Variants in UGCG observed in about 807,000 individuals in gnomAD.
UGCG encodes the protein ceramide glucosyltransferase.
A neutral mutation model predicts 49.5 loss-of-function variants in UGCG; 10 were observed. That is an observed-to-expected ratio of 0.20 (90% CI 0.12 to 0.34). The LOEUF is 0.34. Ranked by LOEUF, UGCG falls within the 10% of genes least tolerant of loss-of-function variation. The pLI is 1.00. For synonymous variants in UGCG, 182 were observed against 158.2 expected (o/e 1.15, Z -1.13); for missense variants, 312 against 483.7 (o/e 0.65, Z 3.33).
intron 1 of UGCG, among the ~76,000 whole-genome samples, chr9:111,900,476 A>ATG (rs10551745): frequency 0.017 from 2,604 of 150,654 alleles, 34 homozygotes; most frequent in African/African-American, 0.035. Flanking sequence ...GTATATGTAT[A>ATG]TGTGTGTGTG....
At chr9:111,929,793 T>G in intron 6 of UGCG, 115 bp downstream of exon 6, 1 of 1,229,252 alleles carries the variant, frequency 8.1e-7, no homozygotes, top group Non-Finnish European at 1.1e-6. Context: ...TTTTTGCTAG[T>G]AAGTACAGAA....
rs1191801006 is a variant in UGCG at position 111,897,229 on chromosome 9, A to T, written c.14A>T (p.Asp5Val). ...GCGGGCCGGGGGATGGCGCTGCTGG[A>T]CCTGGCCTTGGAGGGAATGGCCGTC... The part of the protein sequence containing the change: MALL[D>V]LALEGMAVFG... The change falls in exon 1 of 9, where the codon GAC becomes GTC. Residue 5 changes from aspartate to valine, a missense_variant. By Grantham distance (152) the Asp-to-Val change is radical (BLOSUM62 -3). Coordinates refer to ENST00000374279, the MANE Select transcript of UGCG (RefSeq NM_003358.3). 2 of 1,549,304 alleles carry T rather than the reference A, an allele frequency of 1.3e-6. No individual in the cohort carries two copies. The highest frequency in any genetic ancestry group is 2.4e-5 in the South Asian group (2 of 84,108).
At chr9:111,903,985 C>T (rs910992570) in intron 1 of UGCG, among the ~76,000 whole-genome samples, 1 of 152,156 alleles carries the variant, frequency 6.6e-6, no homozygotes, top group Admixed American at 6.5e-5. Flanking sequence ...CTGCCTGGGT[C>T]TCACCCCTAC....
At position 111,902,349 on chromosome 9, in the gene UGCG, TTG is replaced by T. The variant is rs201038610; in HGVS notation, c.98+5040_98+5041del. On this transcript the variant is annotated intron_variant, in intron 1 of 8. Transcript: ENST00000374279. ...GTTATTTTACCTTCTGTGAGAGAAT[TTG>T]TGTTAGCAAGGTTAAGCTTGCACAA... is the stretch of plus-strand genomic sequence containing the variant. Among the ~76,000 whole-genome samples the T allele has an allele frequency of 9.7e-3, 1,475 of 152,352 alleles. 26 individuals carry two copies. The highest frequency in any genetic ancestry group is 0.033 in the African/African-American group (1,354 of 41,564).
rs1180491110 is a variant in UGCG at position 111,933,389 on chromosome 9, CAGCAGCTTTGCTTT to C, written c.*395_*408del. 3 of 152,188 alleles carry C rather than the reference CAGCAGCTTTGCTTT, an allele frequency of 2.0e-5. No individual in the cohort carries two copies. The highest frequency in any genetic ancestry group is 4.8e-5 in the African/African-American group (2 of 41,412). The allele number at this position is 152,188 out of a possible 1,614,324, so 9.4% of individuals were successfully genotyped here. A position where few individuals can be genotyped will look rare whatever the true frequency, so the allele number is the denominator to read the frequency against. On this transcript the variant is annotated 3_prime_UTR_variant, in exon 9 of 9. Coordinates refer to ENST00000374279, the MANE Select transcript of UGCG (RefSeq NM_003358.3). ...ACTCTTTTAGAACATTTACGGGTGGCAGCAGCTTTGCTTTAGAGTTTAGAAGATAATAGAAGGAA... is the reference window on the plus strand; with the variant it reads ...ACTCTTTTAGAACATTTACGGGTGGCAGAGTTTAGAAGATAATAGAAGGAA...
At chr9:111,931,480 C>A in intron 7 of UGCG, 123 bp downstream of exon 7, 1 of 814,882 alleles carries the variant, frequency 1.2e-6, no homozygotes, top group Non-Finnish European at 1.9e-6. Context: ...TGTTTAGTTG[C>A]AGAAAATAGA....
chr9:111,931,100 T>G (rs1838416937), intron 6 of UGCG, among the ~76,000 whole-genome samples, 171 bp from the exon 7 acceptor site: 1 of 152,240 alleles, frequency 6.6e-6, no homozygotes, highest in Non-Finnish European at 1.5e-5. Flanking sequence ...GCATAATTGC[T>G]AAAACATCCA....
chr9:111,900,714 G>T (rs1160340305), intron 1 of UGCG, among the ~76,000 whole-genome samples: 1 of 151,962 alleles, frequency 6.6e-6, no homozygotes, highest in African/African-American at 2.4e-5. Context: ...GGCTGGTCTT[G>T]AACTCCTGGA....
intron 2 of UGCG, 176 bp from the exon 3 acceptor site, chr9:111,922,673 T>G (rs1270365711): frequency 2.5e-6 from 1 of 397,866 alleles, no homozygotes; most frequent in Admixed American, 4.5e-5. Context: ...GAAGCTTCAC[T>G]CCATTAAAGC....
In UGCG at chr9:111,897,103, C is replaced by A; in HGVS notation, c.-113C>A. ...CCCCTCCGCCCTTTCCTCTCCCCAC[C>A]TTCCTCTCGCCTCCCGCGCCCCCGC... On this transcript the variant is annotated 5_prime_UTR_variant, in exon 1 of 9. Transcript: ENST00000374279. The A allele has an allele frequency of 1.3e-6, 1 of 778,950 alleles. No homozygotes were observed. The highest frequency in any genetic ancestry group is 2.0e-6 in the Non-Finnish European group (1 of 509,344). The allele number at this position is 778,950 out of a possible 1,614,324, so 48.3% of individuals were successfully genotyped here.
chr9:111,928,897 C>G (rs6477862), intron 5 of UGCG, among the ~76,000 whole-genome samples: 113,862 of 152,012 alleles, frequency 0.75, 43,686 homozygotes, highest in East Asian at 0.93. Flanking sequence ...ATGGCAGTAG[C>G]GGATGAGAGA....
chr9:111,924,498 C>T (rs1838282885), intron 3 of UGCG, among the ~76,000 whole-genome samples: 1 of 152,030 alleles, frequency 6.6e-6, no homozygotes, highest in South Asian at 2.1e-4. Context: ...GTACAATTGC[C>T]ATTAAATATT....
intron 1 of UGCG, among the ~76,000 whole-genome samples, chr9:111,913,664 T>C (rs1554733987): frequency 6.7e-6 from 1 of 149,588 alleles, no homozygotes; most frequent in Non-Finnish European, 1.5e-5. Context: ...GGTCTCGAAC[T>C]CCTGACCTCA....
intron 5 of UGCG, among the ~76,000 whole-genome samples, chr9:111,927,522 G>C (rs574301477): frequency 6.6e-6 from 1 of 151,980 alleles, no homozygotes; most frequent in East Asian, 1.9e-4. Flanking sequence ...CGCGATCTCG[G>C]CTCACTGCAA....
At chr9:111,921,670 T>G (rs1342606673) in intron 2 of UGCG, among the ~76,000 whole-genome samples, 4 of 143,998 alleles carry the variant, frequency 2.8e-5, no homozygotes, top group Admixed American at 7.0e-5. Context: ...AAAAGTTGGG[T>G]TGTTAATGGA....
At position 111,932,206 on chromosome 9, in the gene UGCG, A is replaced by G. The variant is rs7850023; in HGVS notation, c.861A>G (p.Thr287=). Reference sequence around the variant, plus strand: ...TACGAATTAACATGCTTCCTGCTACAATAATTTGTGAGCCAATTTCAGAAT... The same window carrying G: ...TACGAATTAACATGCTTCCTGCTACGATAATTTGTGAGCCAATTTCAGAAT... ...TKLRINMLPA[T]IICEPISECF... is the part of the protein sequence containing the mutation. Residue 287 remains threonine (T), a synonymous_variant, in exon 8 of 9, where the codon ACA becomes ACG. Transcript: ENST00000374279. 0.28 allele frequency: 447,845 copies of G among 1,613,606 alleles called. 64,130 individuals carry two copies. The highest frequency in any genetic ancestry group is 0.45 in the Admixed American group (27,019 of 59,988).
At chr9:111,927,073 G>A (rs1371012426) in intron 5 of UGCG, among the ~76,000 whole-genome samples, 1 of 151,774 alleles carries the variant, frequency 6.6e-6, no homozygotes, top group African/African-American at 2.4e-5. Context: ...GTTTCACCGT[G>A]TTGGCCAGGC....
At chr9:111,921,048 G>A (rs117780936) in intron 2 of UGCG, among the ~76,000 whole-genome samples, 2,930 of 151,958 alleles carry the variant, frequency 0.019, 45 homozygotes, top group East Asian at 0.063. Flanking sequence ...GATTATAGGC[G>A]CGTGCCACTA....
chr9:111,911,943 TATATATATATATATTCAACAGG>T, intron 1 of UGCG, among the ~76,000 whole-genome samples: 1 of 45,542 alleles, frequency 2.2e-5, no homozygotes, highest in Non-Finnish European at 4.1e-5. Flanking sequence ...TATATATATA[TATATATATATATATTCAACAGG>T]ATATATATAT....
Sources: allele counts gnomAD v4.1 joint callset (sites outside exome capture counted in the v4.1 genomes callset), GRCh38; gene constraint gnomAD v4.1.1; transcripts MANE v1.5; gene names NCBI Gene and HGNC (gene_info 2026-07-23, HGNC 2026-07-21).